WWOX: variants seen among roughly 807,000 people sequenced by gnomAD.
WWOX encodes WW domain-containing oxidoreductase.
Under a neutral mutation model 46.2 loss-of-function variants are expected in WWOX, and 69 were observed. That is an observed-to-expected ratio of 1.49 (90% CI 1.23 to 1.82). The LOEUF is 1.82. Among genes scored for constraint, WWOX ranks in the 40% most tolerant of loss-of-function variants. The pLI, the probability that WWOX is intolerant of heterozygous loss-of-function variation, is 0.00. For missense variants in WWOX, 919 were observed against 542.6 expected, an observed-to-expected ratio of 1.69 and a Z score of -6.89; for synonymous variants, 359 against 202.6, an observed-to-expected ratio of 1.77 and a Z score of -6.56.
intron 8 of WWOX, among the ~76,000 whole-genome samples, chr16:78,847,300 ATC>A (rs2052324744): frequency 6.6e-6 from 1 of 152,092 alleles, no homozygotes; most frequent in East Asian, 1.9e-4. Flanking sequence ...ACATACACCT[ATC>A]TCCATTTATT....
At chr16:78,847,016 C>T (rs945095297) in intron 8 of WWOX, among the ~76,000 whole-genome samples, 3 of 152,218 alleles carry the variant, frequency 2.0e-5, no homozygotes, top group Non-Finnish European at 2.9e-5. Flanking sequence ...GGAGGTCTTT[C>T]GGGCAGGTTC....
chr16:79,125,839 C>T (rs571236675), intron 8 of WWOX, among the ~76,000 whole-genome samples: 3 of 152,256 alleles, frequency 2.0e-5, no homozygotes, highest in African/African-American at 7.2e-5. Context: ...AGCATTTTTG[C>T]CATAGCTTTT....
chr16:78,745,098 C>G (rs192574951), intron 8 of WWOX, among the ~76,000 whole-genome samples: 4 of 152,118 alleles, frequency 2.6e-5, no homozygotes, highest in Admixed American at 6.5e-5. Context: ...GTAAAAAAAA[C>G]TGACTATAGG....
chr16:78,601,280 T>G (rs758895344), intron 8 of WWOX, among the ~76,000 whole-genome samples: 1 of 152,142 alleles, frequency 6.6e-6, no homozygotes, highest in Non-Finnish European at 1.5e-5. Context: ...TTTGGGTGTT[T>G]GTGAAAAGCA....
intron 8 of WWOX, among the ~76,000 whole-genome samples, chr16:78,849,324 A>G (rs553837535): frequency 1.3e-5 from 2 of 152,048 alleles, no homozygotes; most frequent in South Asian, 4.1e-4. Context: ...TAATCCCAGC[A>G]CTTTGGGAGG....
chr16:78,127,725 G>A (rs989229815), intron 4 of WWOX, among the ~76,000 whole-genome samples: 2 of 152,186 alleles, frequency 1.3e-5, no homozygotes, highest in African/African-American at 4.8e-5. Context: ...ACTGCCTGGT[G>A]TATTAAGTAG....
At position 78,885,833 on chromosome 16, in the gene WWOX, G is replaced by A. The variant is rs116195569; in HGVS notation, c.1057-325775G>A. Among the ~76,000 whole-genome samples, 946 of 152,002 alleles carry A rather than the reference G, an allele frequency of 6.2e-3. 14 individuals carry two copies. Among genetic ancestry groups the A allele is most frequent in the African/African-American group, 0.022 (907 of 41,452 alleles). On this transcript the variant is annotated intron_variant, in intron 8 of 8. Transcript: ENST00000566780. ...AAGTCTATATATTAAAGAACAGCTGGCTTACCTGCTGTATAAATATGCAGT... is the reference window on the plus strand; with the variant it reads ...AAGTCTATATATTAAAGAACAGCTGACTTACCTGCTGTATAAATATGCAGT...
At chr16:78,977,918 A>G (rs1049855152) in intron 8 of WWOX, among the ~76,000 whole-genome samples, 50 of 152,210 alleles carry the variant, frequency 3.3e-4, no homozygotes, top group African/African-American at 9.7e-4. Flanking sequence ...ATATAAGATT[A>G]ACCATTTCAA....
At chr16:79,145,909 A>G (rs1406741245) in intron 8 of WWOX, among the ~76,000 whole-genome samples, 3 of 152,234 alleles carry the variant, frequency 2.0e-5, no homozygotes, top group Non-Finnish European at 4.4e-5. Flanking sequence ...TTAAAATTAT[A>G]TAATTTATTG....
chr16:78,753,677 C>G (rs1305946809), intron 8 of WWOX, among the ~76,000 whole-genome samples: 2 of 150,930 alleles, frequency 1.3e-5, no homozygotes, highest in African/African-American at 4.9e-5. Context: ...TGGTATGTAC[C>G]TGTAGTCCCA....
At chr16:78,216,802 G>C (rs2036736918) in intron 5 of WWOX, among the ~76,000 whole-genome samples, 1 of 151,946 alleles carries the variant, frequency 6.6e-6, no homozygotes, top group East Asian at 1.9e-4. Context: ...CTTGATCTTG[G>C]CTCACTGCAA....
At chr16:78,816,907 A>G (rs890591687) in intron 8 of WWOX, among the ~76,000 whole-genome samples, 3 of 152,160 alleles carry the variant, frequency 2.0e-5, no homozygotes, top group Admixed American at 2.0e-4. Context: ...AGAAATAGCC[A>G]AGATTCCATT....
intron 8 of WWOX, among the ~76,000 whole-genome samples, chr16:78,470,468 A>G (rs371273561): frequency 1.4e-4 from 21 of 152,302 alleles, no homozygotes; most frequent in African/African-American, 5.1e-4. Flanking sequence ...CTACGATTTC[A>G]TCCTCATGGG....
intron 5 of WWOX, among the ~76,000 whole-genome samples, chr16:78,251,854 G>A (rs2037992930): frequency 6.6e-6 from 1 of 152,206 alleles, no homozygotes. Flanking sequence ...AATGGGGAAG[G>A]AAGGTTTTGG....
intron 8 of WWOX, among the ~76,000 whole-genome samples, chr16:79,006,669 G>C (rs1376593514): frequency 6.6e-6 from 1 of 152,152 alleles, no homozygotes; most frequent in Non-Finnish European, 1.5e-5. Flanking sequence ...GTCTCACTCG[G>C]CTAAGATCCA....
chr16:78,494,930 C>G (rs556735138), intron 8 of WWOX, among the ~76,000 whole-genome samples: 1 of 152,068 alleles, frequency 6.6e-6, no homozygotes, highest in African/African-American at 2.4e-5. Context: ...TTTCCTCTTT[C>G]GGTACTTTGT....
chr16:78,107,362 A>G (rs2032213332), intron 1 of WWOX, among the ~76,000 whole-genome samples: 1 of 152,206 alleles, frequency 6.6e-6, no homozygotes, highest in South Asian at 2.1e-4. Context: ...GTTTGACGCA[A>G]AAATAGGACT....
At chr16:78,840,874 C>T (rs2151168482) in intron 8 of WWOX, among the ~76,000 whole-genome samples, 1 of 152,048 alleles carries the variant, frequency 6.6e-6, no homozygotes. Context: ...CTTGTTGGTC[C>T]AGGTAACACA....
At chr16:78,424,441 C>T (rs554474024) in intron 6 of WWOX, among the ~76,000 whole-genome samples, 4 of 152,268 alleles carry the variant, frequency 2.6e-5, no homozygotes, top group Admixed American at 2.6e-4. Context: ...TTTTTAACAG[C>T]ATAATTTTTC....
Sources: gnomAD v4.1 joint callset for allele counts (sites outside exome capture counted in the v4.1 genomes callset) on GRCh38, gnomAD v4.1.1 for gene constraint, MANE v1.5 for transcripts, NCBI Gene and HGNC (gene_info 2026-07-23, HGNC 2026-07-21) for gene names.